CCDC191: variants seen among roughly 807,000 people sequenced by gnomAD.
The protein encoded by CCDC191 is coiled-coil domain containing 191, also known as coiled-coil domain-containing protein 191.
A neutral mutation model predicts 114.0 loss-of-function variants in CCDC191; 99 were observed. The ratio of observed to expected loss-of-function variants is 0.87; its 90% CI spans 0.74 to 1.03. CCDC191 has a LOEUF of 1.03. Ranked by LOEUF, CCDC191 falls within the 50% of genes least tolerant of loss-of-function variation. CCDC191 has a pLI of 0.00. For missense variants in CCDC191, 973 were observed against 1,087.0 expected (o/e 0.90, Z 1.47); for synonymous variants, 351 against 376.0 (o/e 0.93, Z 0.77).
intron 4 of CCDC191, among the ~76,000 whole-genome samples, chr3:114,037,783 C>T (rs1438196273): frequency 6.6e-6 from 1 of 152,014 alleles, no homozygotes; most frequent in Non-Finnish European, 1.5e-5. Context: ...TTATGATACC[C>T]AATACAATGT....
intron 7 of CCDC191, among the ~76,000 whole-genome samples, chr3:114,024,166 G>A (rs2076284889): frequency 6.6e-6 from 1 of 152,194 alleles, no homozygotes; most frequent in South Asian, 2.1e-4. Flanking sequence ...TCTCACACCA[G>A]TTAGAATGGC....
At chr3:114,022,487 G>A (rs1220633662) in intron 7 of CCDC191, among the ~76,000 whole-genome samples, 1 of 152,156 alleles carries the variant, frequency 6.6e-6, no homozygotes, top group Non-Finnish European at 1.5e-5. Flanking sequence ...ACAATGAATT[G>A]TTAAGAGGAC....
At position 113,978,345 on chromosome 3, in the gene CCDC191, CAG is replaced by C. The variant is rs1175587523; in HGVS notation, c.2461-16_2461-15del. ...ATCAATCACGTACTGGGGATGAAGA[CAG>C]AAATAAAAGTGAGACAAAAAATATC... On this transcript the variant is annotated splice_polypyrimidine_tract_variant and intron_variant, in intron 15 of 16. Transcript: ENST00000295878. The C allele has an allele frequency of 8.1e-6, 13 of 1,611,506 alleles. No individual in the cohort carries two copies. Among genetic ancestry groups the C allele is most frequent in the African/African-American group, 4.0e-5 (3 of 74,660 alleles).
chr3:114,008,684 A>G (rs1329149138), intron 9 of CCDC191, among the ~76,000 whole-genome samples: 2 of 152,170 alleles, frequency 1.3e-5, no homozygotes, highest in African/African-American at 4.8e-5. Context: ...AAATGTTTGC[A>G]ATATATAATA....
intron 4 of CCDC191, among the ~76,000 whole-genome samples, chr3:114,039,797 C>T (rs1441812265): frequency 1.3e-5 from 2 of 151,608 alleles, no homozygotes; most frequent in Non-Finnish European, 2.9e-5. Context: ...TTGTTTTGAC[C>T]TAAGTGTTAC....
chr3:113,979,072 A>G, intron 14 of CCDC191, 62 bp from the exon 15 acceptor site: 1 of 1,476,766 alleles, frequency 6.8e-7, no homozygotes, highest in African/African-American at 1.4e-5. Context: ...AAACAAACAC[A>G]TCACCTTTGG....
chr3:113,997,749 G>A (rs1324665515), intron 13 of CCDC191, among the ~76,000 whole-genome samples: 1 of 151,996 alleles, frequency 6.6e-6, no homozygotes, highest in Admixed American at 6.6e-5. Flanking sequence ...ATGATGTTTG[G>A]GTCAATGAAA....
intron 11 of CCDC191, chr3:114,002,800 T>G (rs2075879232): frequency 1.1e-6 from 1 of 926,916 alleles, no homozygotes; most frequent in Non-Finnish European, 1.3e-6. Flanking sequence ...TTAAAATAAT[T>G]GTTTACTGAT....
chr3:113,997,503 T>A (rs1013744021), intron 13 of CCDC191, among the ~76,000 whole-genome samples: 1 of 152,004 alleles, frequency 6.6e-6, no homozygotes, highest in African/African-American at 2.4e-5. Flanking sequence ...CTAAGAACCC[T>A]CAGAGAAATG....
At chr3:114,017,295 G>A (rs2076175465) in intron 8 of CCDC191, among the ~76,000 whole-genome samples, 1 of 152,088 alleles carries the variant, frequency 6.6e-6, no homozygotes, top group African/African-American at 2.4e-5. Flanking sequence ...GAAAAGCTCA[G>A]ATCAAGGCCC....
intron 13 of CCDC191, among the ~76,000 whole-genome samples, chr3:113,986,308 A>G (rs1474782605): frequency 6.6e-6 from 1 of 152,242 alleles, no homozygotes; most frequent in Non-Finnish European, 1.5e-5. Flanking sequence ...AAAACAAAAT[A>G]GTGCATCTGA....
intron 8 of CCDC191, among the ~76,000 whole-genome samples, chr3:114,018,320 T>C (rs2076193422): frequency 6.7e-6 from 1 of 149,718 alleles, no homozygotes; most frequent in Admixed American, 6.6e-5. Context: ...TCATGTACAA[T>C]GTATATTTTA....
rs539683376 is a variant in CCDC191, at chr3:114,038,727, T to C, written c.416-1941A>G. On this transcript the variant is annotated intron_variant, in intron 4 of 16. Coordinates refer to ENST00000295878, the MANE Select transcript of CCDC191 (RefSeq NM_020817.2). ...ATAAAAAGGAATGAGATCATGTCCT[T>C]TGCAGAGACATGGATGGAGCTGGAA... Among the ~76,000 whole-genome samples the C allele has an allele frequency of 3.9e-5, 6 of 152,338 alleles. No individual in the cohort carries two copies. The East Asian group carries it at 7.7e-4, about 20-fold the overall frequency.
At chr3:114,005,417 TG>T in intron 10 of CCDC191, 90 bp downstream of exon 10, 4 of 1,251,358 alleles carry the variant, frequency 3.2e-6, no homozygotes, top group Non-Finnish European at 4.5e-6. Flanking sequence ...GGAACAATCA[TG>T]GGGCTCAGAA....
At chr3:113,992,581 A>G (rs533204041) in intron 13 of CCDC191, among the ~76,000 whole-genome samples, 2 of 152,076 alleles carry the variant, frequency 1.3e-5, no homozygotes, top group Non-Finnish European at 2.9e-5. Context: ...CTGTTGTGGG[A>G]TGGGGGGAGG....
chr3:114,004,694 G>C lies in CCDC191; in HGVS notation c.1921C>G (p.Leu641Val). 1 of 1,612,842 alleles carries C rather than the reference G, an allele frequency of 6.2e-7. No individual in the cohort carries two copies. ...TTTGGTTTCCTTCTGAGTCCAGAAA[G>C]AGAATTTCGGGAGTCACTTCTGCCT... ...TEGRSDSRNSLSGLRRKPKQL... is the reference protein window; with the variant it reads ...TEGRSDSRNSVSGLRRKPKQL... The change falls in exon 11 of 17, where the codon CTT becomes GTT. Residue 641 changes from leucine to valine, a missense_variant. Physicochemically the swap from Leu to Val is conservative, Grantham distance 32 (BLOSUM62 1). Transcript: ENST00000295878.
chr3:114,008,315 AG>A (rs2076009032), intron 9 of CCDC191, among the ~76,000 whole-genome samples: 1 of 151,720 alleles, frequency 6.6e-6, no homozygotes, highest in South Asian at 2.1e-4. Context: ...TACATTGCCT[AG>A]GGGAAGGGAC....
intron 12 of CCDC191, among the ~76,000 whole-genome samples, 153 bp downstream of exon 12, chr3:114,002,303 T>C (rs2075869759): frequency 6.6e-6 from 1 of 152,208 alleles, no homozygotes; most frequent in African/African-American, 2.4e-5. Context: ...CCTAAAATTG[T>C]CACGGAATTC....
intron 14 of CCDC191, among the ~76,000 whole-genome samples, 173 bp from the exon 15 acceptor site, chr3:113,979,183 A>G (rs1402928502): frequency 6.6e-6 from 1 of 152,196 alleles, no homozygotes; most frequent in Non-Finnish European, 1.5e-5. Context: ...TATTCTATGG[A>G]GGTTATAGAT....
Sources: allele counts gnomAD v4.1 joint callset (sites outside exome capture counted in the v4.1 genomes callset), GRCh38; gene constraint gnomAD v4.1.1; transcripts MANE v1.5; gene names NCBI Gene and HGNC (gene_info 2026-07-23, HGNC 2026-07-21).